The following TLN2 variants were observed in gnomAD, a reference collection of about 807,000 sequenced individuals.
TLN2 encodes talin-2.
In TLN2, 118 loss-of-function variants were observed where a neutral mutation model predicts 294.7. That is an observed-to-expected ratio of 0.40 (90% CI 0.34 to 0.47). TLN2 has a LOEUF of 0.47. Ranked by LOEUF, TLN2 falls within the 20% of genes least tolerant of loss-of-function variation. TLN2 has a pLI of 0.84. For missense variants in TLN2, 3,083 were observed against 3,282.2 expected (o/e 0.94, Z 1.48); for synonymous variants, 1,431 against 1,304.5 (o/e 1.10, Z -2.09).
intron 1 of TLN2, among the ~76,000 whole-genome samples, chr15:62,501,066 C>T (rs1231084710): frequency 1.3e-5 from 2 of 152,224 alleles, no homozygotes; most frequent in Admixed American, 1.3e-4. Flanking sequence ...AAATATTCTG[C>T]TTAAATGTGC....
chr15:62,647,595 T>C (rs1596483552), intron 4 of TLN2, 149 bp downstream of exon 4: 2 of 1,110,550 alleles, frequency 1.8e-6, no homozygotes, highest in East Asian at 4.9e-5. Flanking sequence ...CACTACCTGC[T>C]TCCTCTGTGA....
At chr15:62,840,395 A>C in intron 58 of TLN2, 87 bp from the exon 59 acceptor site, 1 of 1,539,294 alleles carries the variant, frequency 6.5e-7, no homozygotes, top group Non-Finnish European at 8.8e-7. Context: ...CGGTCGCGGG[A>C]GCCGTGGAGC....
chr15:62,492,038 A>G (rs950370567), intron 1 of TLN2, among the ~76,000 whole-genome samples: 1 of 152,188 alleles, frequency 6.6e-6, no homozygotes, highest in Non-Finnish European at 1.5e-5. Flanking sequence ...TAATTACTAA[A>G]TGTCTAACAG....
At chr15:62,750,202 C>G (rs2061851680) in intron 33 of TLN2, among the ~76,000 whole-genome samples, 200 bp from the exon 34 acceptor site, 1 of 152,224 alleles carries the variant, frequency 6.6e-6, no homozygotes, top group African/African-American at 2.4e-5. Flanking sequence ...CAGAGACCCC[C>G]TCCCCTATAA....
chr15:62,538,228 C>CAG (rs1024171298), intron 1 of TLN2, among the ~76,000 whole-genome samples: 2 of 152,004 alleles, frequency 1.3e-5, no homozygotes, highest in African/African-American at 4.8e-5. Flanking sequence ...GTCATACACA[C>CAG]ACACACACAC....
At chr15:62,608,189 G>C (rs770660921) in intron 2 of TLN2, among the ~76,000 whole-genome samples, 7 of 152,116 alleles carry the variant, frequency 4.6e-5, no homozygotes, top group Non-Finnish European at 7.3e-5. Flanking sequence ...CAGGCAGTCT[G>C]CTGGATGTTG....
intron 1 of TLN2, among the ~76,000 whole-genome samples, chr15:62,470,398 G>T (rs1567002854): frequency 2.0e-5 from 3 of 152,234 alleles, no homozygotes; most frequent in African/African-American, 7.2e-5. Context: ...ATCCAATGGC[G>T]AGTTCCCTTA....
chr15:62,427,895 G>T (rs772940929), intron 1 of TLN2, among the ~76,000 whole-genome samples: 23 of 152,270 alleles, frequency 1.5e-4, no homozygotes, highest in Admixed American at 2.6e-4. Context: ...TGTTCCTAGG[G>T]CTAGGCAGTG....
At chr15:62,776,269 A>G (rs1454674191) in intron 42 of TLN2, among the ~76,000 whole-genome samples, 1 of 152,194 alleles carries the variant, frequency 6.6e-6, no homozygotes, top group African/African-American at 2.4e-5. Context: ...AATTTGTGAC[A>G]TAGTTTCAAA....
At chr15:62,527,192 G>A (rs1243512977) in intron 1 of TLN2, among the ~76,000 whole-genome samples, 3 of 152,112 alleles carry the variant, frequency 2.0e-5, no homozygotes, top group Non-Finnish European at 4.4e-5. Flanking sequence ...CGGGTGTTTG[G>A]TGTCAAAATC....
chr15:62,801,852 A>G (rs1230871818), intron 50 of TLN2, among the ~76,000 whole-genome samples: 1 of 152,224 alleles, frequency 6.6e-6, no homozygotes, highest in South Asian at 2.1e-4. Flanking sequence ...GTAGGTGTAT[A>G]TACTTAGGAG....
chr15:62,815,225 ACACACACT>A (rs1443846061), intron 52 of TLN2, among the ~76,000 whole-genome samples: 104 of 132,188 alleles, frequency 7.9e-4, no homozygotes, highest in African/African-American at 2.6e-3. Context: ...ACACACACAC[ACACACACT>A]CACTCGCTCT....
intron 48 of TLN2, among the ~76,000 whole-genome samples, chr15:62,799,234 T>C (rs1478383443): frequency 6.6e-6 from 1 of 152,140 alleles, no homozygotes; most frequent in Non-Finnish European, 1.5e-5. Context: ...GACATAAGGG[T>C]TGTGGTTCCC....
chr15:62,667,846 C>G lies in TLN2; in HGVS notation c.789-5981C>G, dbSNP rs528209363. 2.6e-5 allele frequency among the ~76,000 whole-genome samples: 4 copies of G among 152,278 alleles called. No individual in the cohort carries two copies. The South Asian group carries it at 6.2e-4, about 24-fold the overall frequency. On this transcript the variant is annotated intron_variant, in intron 9 of 58. Coordinates refer to ENST00000636159, the MANE Select transcript of TLN2 (RefSeq NM_015059.3). ...AGAAAATGAGGTTCGATTATGTACACACAGTGAAATAATATTTAGCCTTAA... is the reference window on the plus strand; with the variant it reads ...AGAAAATGAGGTTCGATTATGTACAGACAGTGAAATAATATTTAGCCTTAA...
chr15:62,472,640 T>G (rs1337077147), intron 1 of TLN2, among the ~76,000 whole-genome samples: 1 of 152,190 alleles, frequency 6.6e-6, no homozygotes, highest in African/African-American at 2.4e-5. Flanking sequence ...AAAAAAAAGT[T>G]TTTTTGGATG....
Position 62,719,771 on chromosome 15 carries a change from T to G in TLN2, c.2882T>G (p.Val961Gly). The change falls in exon 25 of 59, where the codon GTG becomes GGG. Residue 961 changes from valine to glycine, a missense_variant. Transcript: ENST00000636159. The part of the protein sequence containing the change: ...QQQLVQSCKA[V>G]ADHIPQLVQG... The stretch of plus-strand genomic sequence containing the variant: ...TTATTTCCTTGCCTTCTGCAGGCAG[T>G]GGCTGATCACATCCCTCAGCTGGTC... 2 of 1,603,294 alleles carry G rather than the reference T, an allele frequency of 1.2e-6. No individual in the cohort carries two copies. Among genetic ancestry groups the G allele is most frequent in the Non-Finnish European group, 1.7e-6 (2 of 1,174,528 alleles).
rs1013642664 is a variant in TLN2 at position 62,653,265 on chromosome 15, T to G, written c.468T>G (p.Asp156Glu). The G allele has an allele frequency of 6.2e-7, 1 of 1,613,346 alleles. No homozygotes were observed. Among genetic ancestry groups the G allele is most frequent in the Non-Finnish European group, 8.5e-7 (1 of 1,179,876 alleles). ...TLKKDRTLLR[D>E]ERKMEKLKAK... ...AAAAAGACAGGACACTGTTACGAGA[T>G]GAGAGGAAAATGGAGAAGTTGAAGG... is the stretch of plus-strand genomic sequence containing the variant. Residue 156 changes from aspartate to glutamate, a missense_variant, in exon 7 of 59, where the codon GAT becomes GAG. Coordinates refer to ENST00000636159, the MANE Select transcript of TLN2 (RefSeq NM_015059.3).
At chr15:62,646,433 A>G (rs2051853315) in intron 3 of TLN2, among the ~76,000 whole-genome samples, 1 of 152,194 alleles carries the variant, frequency 6.6e-6, no homozygotes, top group South Asian at 2.1e-4. Flanking sequence ...AAGTGCTGGG[A>G]TTACAGGCAT....
At chr15:62,696,528 GA>G (rs2058349702) in intron 14 of TLN2, among the ~76,000 whole-genome samples, 1 of 152,110 alleles carries the variant, frequency 6.6e-6, no homozygotes, top group Non-Finnish European at 1.5e-5. Context: ...CTAATATGGT[GA>G]AACCCTGTCT....
Sources: gnomAD v4.1 joint callset for allele counts (sites outside exome capture counted in the v4.1 genomes callset) on GRCh38, gnomAD v4.1.1 for gene constraint, MANE v1.5 for transcripts, NCBI Gene and HGNC (gene_info 2026-07-23, HGNC 2026-07-21) for gene names.